The following PRMT2 variants were observed in gnomAD, a reference collection of about 807,000 sequenced individuals.
PRMT2 encodes the protein protein arginine methyltransferase 2, also known as protein arginine N-methyltransferase 2.
In PRMT2, 26 loss-of-function variants were observed where a neutral mutation model predicts 57.6. The observed-to-expected ratio is 0.45, with a 90% CI of 0.33 to 0.63. The LOEUF (loss-of-function observed/expected upper bound fraction) is 0.63. Among genes scored for constraint, PRMT2 ranks in the 20% least tolerant of loss-of-function variants. The pLI is 0.02. For synonymous variants in PRMT2, 219 were observed against 220.0 expected, an observed-to-expected ratio of 1.00 and a Z score of 0.04; for missense variants, 472 against 564.4, an observed-to-expected ratio of 0.84 and a Z score of 1.66.
intron 7 of PRMT2, chr21:46,654,153 A>G (rs2061505905): frequency 1.0e-6 from 1 of 983,504 alleles, no homozygotes. Flanking sequence ...TCCTAAGGAA[A>G]TAATCAAATT....
intron 10 of PRMT2, among the ~76,000 whole-genome samples, chr21:46,662,464 C>T (rs543507133): frequency 2.1e-4 from 32 of 152,342 alleles, no homozygotes; most frequent in Non-Finnish European, 4.4e-4. Flanking sequence ...CGAGGGGACC[C>T]CGGCTCCAGG....
intron 3 of PRMT2, among the ~76,000 whole-genome samples, chr21:46,639,708 TTGTGTG>T (rs538598625): frequency 6.7e-6 from 1 of 148,986 alleles, no homozygotes; most frequent in Non-Finnish European, 1.5e-5. Flanking sequence ...GTGTGTGTGT[TTGTGTG>T]TGTGTGTGTG....
Position 46,661,819 on chromosome 21 carries a change from G to A in PRMT2, c.980G>A (p.Arg327His). 6.8e-7 allele frequency: 1 copy of A among 1,469,804 alleles called. No homozygotes were observed. Among genetic ancestry groups the A allele is most frequent in the Non-Finnish European group, 9.1e-7 (1 of 1,101,784 alleles). 91.0% of individuals were successfully genotyped at this position (1,469,804 alleles called of 1,614,324 possible). A position where few individuals can be genotyped will look rare whatever the true frequency, so the allele number is the denominator to read the frequency against. The change falls in exon 10 of 12, where the codon CGC becomes CAC. Residue 327 changes from arginine (R) to histidine (H), a missense_variant. Arg to His is a conservative substitution (Grantham distance 29). Around this residue, in one of 2 missense-constraint regions of PRMT2, gnomAD observed 229 missense variants for 217.2 expected, o/e 1.05. Transcript: ENST00000355680. ...ACCCAGACCCTGAGGGGCGAGCTGC[G>A]CTTCGACATCAGGAAGGCGGGGACC... ...SDLETLRGEL[R>H]FDIRKAGTLH...
At chr21:46,662,356 T>C (rs2061642668) in intron 10 of PRMT2, among the ~76,000 whole-genome samples, 2 of 152,240 alleles carry the variant, frequency 1.3e-5, no homozygotes, top group Non-Finnish European at 2.9e-5. Context: ...TGTGTGGCAG[T>C]GGAGCTGCCT....
intron 7 of PRMT2, 138 bp from the exon 8 acceptor site, chr21:46,658,607 T>C (rs978490585): frequency 1.7e-5 from 24 of 1,446,510 alleles, no homozygotes; most frequent in Middle Eastern, 1.9e-4. Flanking sequence ...TCTTGCATGG[T>C]ACACTGGCCT....
intron 10 of PRMT2, among the ~76,000 whole-genome samples, chr21:46,662,508 C>G (rs2061645412): frequency 6.6e-6 from 1 of 152,208 alleles, no homozygotes; most frequent in African/African-American, 2.4e-5. Flanking sequence ...ATGGCCTGGC[C>G]TGGCATGTGG....
In PRMT2 at chr21:46,658,805, G is replaced by T; in HGVS notation, c.715G>T (p.Val239Phe). ...GGATGCCTGGCTGAAGGAGGACGGG[G>T]TCATTTGGCCCACCATGGCTGCGTT... is the stretch of plus-strand genomic sequence containing the variant. ...ARDAWLKEDG[V>F]IWPTMAALHL... Residue 239 changes from valine (V) to phenylalanine (F), a missense_variant, in exon 8 of 12, where the codon GTC becomes TTC. Val to Phe is a conservative substitution (Grantham distance 50). This residue lies in a region of PRMT2 where 243 missense variants were observed against 347.2 expected (regional missense o/e 0.70). Transcript: ENST00000355680. 1 of 1,614,244 alleles carries T rather than the reference G, an allele frequency of 6.2e-7. No individual in the cohort carries two copies.
At position 46,649,315 on chromosome 21, in the gene PRMT2, T is replaced by C. The variant is rs1238896528; in HGVS notation, c.490-260T>C. ...GTGCGTGTGGCAGCCGGCTCGGGCA[T>C]GCGAGTCTTCCATCCACTTGCAGCC... On this transcript the variant is annotated intron_variant, in intron 6 of 11. Coordinates refer to ENST00000355680, the MANE Select transcript of PRMT2 (RefSeq NM_206962.4). This position sits in a 1 kb window ranked among gnomAD's most constrained non-coding sequence, Gnocchi z 4.8. 1.3e-5 allele frequency among the ~76,000 whole-genome samples: 2 copies of C among 152,212 alleles called. No individual in the cohort carries two copies. The highest frequency in any genetic ancestry group is 2.9e-5 in the Non-Finnish European group (2 of 68,032).
At chr21:46,661,710 C>A in intron 9 of PRMT2, 90 bp from the exon 10 acceptor site, 1 of 1,218,026 alleles carries the variant, frequency 8.2e-7, no homozygotes, top group Non-Finnish European at 1.0e-6. Context: ...CATTCAGCGT[C>A]TGCGCGGGGC....
At chr21:46,659,277 A>G (rs2061585882) in intron 8 of PRMT2, 12 of 1,020,960 alleles carry the variant, frequency 1.2e-5, no homozygotes, top group Admixed American at 1.1e-4. Flanking sequence ...AATCAGCGTC[A>G]GCGACAGACA....
chr21:46,643,612 G>C lies in PRMT2; in HGVS notation c.117G>C (p.Ala39=), dbSNP rs535179106. The change falls in exon 4 of 12, where the codon GCG becomes GCC. Residue 39 remains alanine (A), a synonymous_variant. Transcript: ENST00000355680. ...GVQPEEFVAI[A]DYAATDETQL... ...AGCCAGAGGAGTTTGTGGCCATCGC[G>C]GACTACGCTGCCACCGATGAGACCC... 3.1e-6 allele frequency: 5 copies of C among 1,610,450 alleles called. No homozygotes were observed. The Admixed American group carries it at 5.1e-5, about 16-fold the overall frequency.
intron 7 of PRMT2, chr21:46,653,923 T>TTTTTC (rs1179401241): frequency 4.0e-6 from 4 of 1,012,412 alleles, no homozygotes; most frequent in African/African-American, 3.5e-5. Flanking sequence ...ATGACAGCCT[T>TTTTTC]TTTTCTTTTC....
intron 8 of PRMT2, chr21:46,659,781 A>C: frequency 8.1e-6 from 8 of 985,452 alleles, no homozygotes; most frequent in Non-Finnish European, 9.6e-6. Context: ...GTGGCCGTCC[A>C]GAGGAACGTG....
chr21:46,645,453 CAG>C (rs2061349949), intron 5 of PRMT2, among the ~76,000 whole-genome samples: 2 of 152,004 alleles, frequency 1.3e-5, no homozygotes, highest in Non-Finnish European at 2.9e-5. Context: ...GTGATTGAAC[CAG>C]ACTCTGTCCC....
chr21:46,645,014 C>T (rs929074106), intron 5 of PRMT2, among the ~76,000 whole-genome samples: 1 of 151,840 alleles, frequency 6.6e-6, no homozygotes, highest in African/African-American at 2.4e-5. Context: ...GGCAAGAGGA[C>T]ACTTGGCTTG....
At chr21:46,650,445 T>G (rs1284363068) in intron 7 of PRMT2, among the ~76,000 whole-genome samples, 1 of 152,204 alleles carries the variant, frequency 6.6e-6, no homozygotes, top group Admixed American at 6.5e-5. Context: ...CGGTTTCCCC[T>G]GGTAACAGAT....
chr21:46,656,474 A>G (rs865839804), intron 7 of PRMT2, among the ~76,000 whole-genome samples: 1 of 152,250 alleles, frequency 6.6e-6, no homozygotes, highest in Non-Finnish European at 1.5e-5. Flanking sequence ...AATCAGGACA[A>G]TGTGGTGAAG....
intron 4 of PRMT2, 27 bp downstream of exon 4, chr21:46,643,666 T>C: frequency 6.4e-7 from 1 of 1,573,810 alleles, no homozygotes; most frequent in Non-Finnish European, 8.6e-7. Context: ...GTTAATGCTT[T>C]ATGGCTTTCA....
intron 2 of PRMT2, 74 bp from the exon 3 acceptor site, chr21:46,636,822 A>C: frequency 1.2e-6 from 1 of 825,036 alleles, no homozygotes; most frequent in Non-Finnish European, 1.9e-6. Context: ...CATCATGCAC[A>C]TTAGAAGTTA....
Sources: gnomAD v4.1 joint callset for allele counts (sites outside exome capture counted in the v4.1 genomes callset) on GRCh38, gnomAD v4.1.1 for gene constraint, gnomAD v4.1.1 regional missense constraint, Gnocchi (gnomAD v3.1) non-coding constraint, MANE v1.5 for transcripts, NCBI Gene and HGNC (gene_info 2026-07-23, HGNC 2026-07-21) for gene names.